PRKAR2A: variants seen among roughly 807,000 people sequenced by gnomAD.
PRKAR2A encodes cAMP-dependent protein kinase type II-alpha regulatory subunit.
A neutral mutation model predicts 51.9 loss-of-function variants in PRKAR2A; 29 were observed. The ratio of observed to expected loss-of-function variants is 0.56; its 90% CI spans 0.42 to 0.76. The LOEUF (loss-of-function observed/expected upper bound fraction) is 0.76. PRKAR2A is among the 30% of genes least tolerant of loss of function. The pLI is 0.00. For synonymous variants in PRKAR2A, 178 were observed against 186.2 expected (o/e 0.96, Z 0.36); for missense variants, 445 against 512.1 (o/e 0.87, Z 1.26).
chr3:48,752,208 G>C lies in PRKAR2A; in HGVS notation c.1049C>G (p.Ser350Ter), dbSNP rs1355333721. ...TTTGACATCTCCAACTGCATAAGCT[G>C]AGGCAGCTCTGGGTTTGTTGGTGAC... Reference protein sequence around the residue: ...ALVTNKPRAASAYAVGDVKCL... With the variant: ...ALVTNKPRAA Residue 350 changes from serine (S) to a stop codon, truncating the protein, a stop_gained, in exon 10 of 11, where the codon TCA becomes TGA. Transcript: ENST00000265563. LOFTEE classifies it high-confidence loss of function. The C allele has an allele frequency of 1.4e-5, 23 of 1,614,058 alleles. No homozygotes were observed. The highest frequency in any genetic ancestry group is 1.9e-5 in the Non-Finnish European group (22 of 1,180,028).
At chr3:48,833,358 A>G (rs1010007486) in intron 1 of PRKAR2A, among the ~76,000 whole-genome samples, 1 of 152,146 alleles carries the variant, frequency 6.6e-6, no homozygotes, top group Non-Finnish European at 1.5e-5. Flanking sequence ...TAAAATAATC[A>G]TATTTCCTTA....
chr3:48,846,059 A>C (rs2083456454), intron 1 of PRKAR2A, among the ~76,000 whole-genome samples: 1 of 151,880 alleles, frequency 6.6e-6, no homozygotes, highest in Non-Finnish European at 1.5e-5. Context: ...TTTATTGCAA[A>C]CTCTTGGAGA....
chr3:48,771,848 T>G (rs2082033904), intron 6 of PRKAR2A, among the ~76,000 whole-genome samples: 1 of 152,230 alleles, frequency 6.6e-6, no homozygotes, highest in Non-Finnish European at 1.5e-5. Flanking sequence ...TCTATAAATT[T>G]CAGATAGCTT....
chr3:48,761,567 A>G (rs2081863489), intron 8 of PRKAR2A, among the ~76,000 whole-genome samples: 1 of 152,242 alleles, frequency 6.6e-6, no homozygotes, highest in African/African-American at 2.4e-5. Context: ...TAAATGAAAT[A>G]TATTAAAATT....
Position 48,748,175 on chromosome 3 carries a change from T to C in PRKAR2A, c.*3410A>G, listed in dbSNP as rs1219149306. The C allele has an allele frequency of 6.6e-6, 1 of 151,408 alleles. No individual in the cohort carries two copies. Among genetic ancestry groups the C allele is most frequent in the Admixed American group, 6.6e-5 (1 of 15,156 alleles). 9.4% of individuals were successfully genotyped at this position (151,408 alleles called of 1,614,324 possible). A position where few individuals can be genotyped will look rare whatever the true frequency, so the allele number is the denominator to read the frequency against. On this transcript the variant is annotated 3_prime_UTR_variant, in exon 11 of 11. Coordinates refer to ENST00000265563, the MANE Select transcript of PRKAR2A (RefSeq NM_004157.4). Reference sequence around the variant, plus strand: ...TAGGGTCCCACTTTGTCCCCCAGACTGGAGTGCAGTGGCACGATCATGGCT... The same window carrying C: ...TAGGGTCCCACTTTGTCCCCCAGACCGGAGTGCAGTGGCACGATCATGGCT...
intron 1 of PRKAR2A, among the ~76,000 whole-genome samples, chr3:48,825,398 A>T (rs1335826948): frequency 6.6e-6 from 1 of 152,226 alleles, no homozygotes; most frequent in Non-Finnish European, 1.5e-5. Flanking sequence ...TGTCTACTGC[A>T]TCACACTAAG....
intron 4 of PRKAR2A, among the ~76,000 whole-genome samples, chr3:48,786,260 G>GA (rs950156269): frequency 6.6e-6 from 1 of 150,602 alleles, no homozygotes; most frequent in Non-Finnish European, 1.5e-5. Flanking sequence ...GAGTAGCTGA[G>GA]ATTACAGGTG....
intron 1 of PRKAR2A, among the ~76,000 whole-genome samples, chr3:48,818,262 G>A (rs759411954): frequency 2.0e-5 from 3 of 152,138 alleles, no homozygotes; most frequent in East Asian, 1.9e-4. Context: ...ACCAAAAGCC[G>A]AAGAGCTGCC....
chr3:48,840,567 C>CTTTTTTT (rs760883553), intron 1 of PRKAR2A, among the ~76,000 whole-genome samples: 1 of 69,470 alleles, frequency 1.4e-5, no homozygotes, highest in Admixed American at 2.3e-4. Flanking sequence ...TTGTTTTCAC[C>CTTTTTTT]TTTTTTTTTT....
intron 3 of PRKAR2A, among the ~76,000 whole-genome samples, chr3:48,791,903 C>CAAAAAAAAA (rs1177374619): frequency 2.4e-5 from 1 of 41,880 alleles, no homozygotes; most frequent in Non-Finnish European, 3.8e-5. Flanking sequence ...AACTCTGTCT[C>CAAAAAAAAA]AAAAAAAAAA....
intron 5 of PRKAR2A, among the ~76,000 whole-genome samples, chr3:48,780,436 T>C (rs2082175050): frequency 6.6e-6 from 1 of 151,492 alleles, no homozygotes; most frequent in African/African-American, 2.4e-5. Flanking sequence ...ACTCCATCTC[T>C]ACTAAAAATA....
chr3:48,788,166 G>C (rs1297455410), intron 4 of PRKAR2A, among the ~76,000 whole-genome samples: 1 of 152,102 alleles, frequency 6.6e-6, no homozygotes, highest in Non-Finnish European at 1.5e-5. Context: ...GAGTAGCTGA[G>C]ACTACAGGTG....
intron 1 of PRKAR2A, among the ~76,000 whole-genome samples, chr3:48,829,579 TATGTGTGTATATATACACACACATAA>T (rs1448670668): frequency 3.8e-5 from 2 of 53,148 alleles, no homozygotes; most frequent in African/African-American, 7.6e-5. Flanking sequence ...CATAAATATA[TATGTGTGTATATATACACACACATAA>T]ATGTGTGTGT....
intron 4 of PRKAR2A, 43 bp from the exon 5 acceptor site, chr3:48,783,135 G>A: frequency 7.6e-7 from 1 of 1,316,342 alleles, no homozygotes; most frequent in Non-Finnish European, 1.1e-6. Context: ...CTTTACATAT[G>A]CTGAAAAAAA....
chr3:48,757,652 G>A (rs2081793265), intron 8 of PRKAR2A, among the ~76,000 whole-genome samples: 1 of 152,220 alleles, frequency 6.6e-6, no homozygotes, highest in Non-Finnish European at 1.5e-5. Context: ...GCCAGGCACG[G>A]TGGCTCACAC....
At chr3:48,765,444 T>A in intron 6 of PRKAR2A, 95 bp from the exon 7 acceptor site, 2 of 802,112 alleles carry the variant, frequency 2.5e-6, no homozygotes, top group Non-Finnish European at 3.9e-6. Context: ...GAGGAATATG[T>A]AAGTTACTGT....
At chr3:48,809,948 C>T (rs1026825204) in intron 1 of PRKAR2A, among the ~76,000 whole-genome samples, 8 of 152,118 alleles carry the variant, frequency 5.3e-5, no homozygotes, top group Admixed American at 3.9e-4. Context: ...TGTTCTCCCT[C>T]CCACTTCATC....
At chr3:48,754,823 C>T (rs554896344) in intron 9 of PRKAR2A, among the ~76,000 whole-genome samples, 16 of 150,352 alleles carry the variant, frequency 1.1e-4, no homozygotes, top group African/African-American at 3.4e-4. Context: ...GGGTGAGGCA[C>T]GAGAATCGAT....
Position 48,814,378 on chromosome 3 carries a change from A to G in PRKAR2A, c.263-6694T>C, listed in dbSNP as rs373839426. Among the ~76,000 whole-genome samples, 450 of 152,282 alleles carry G rather than the reference A, an allele frequency of 3.0e-3. 4 individuals carry two copies. The highest frequency in any genetic ancestry group is 9.9e-3 in the African/African-American group (410 of 41,546). On this transcript the variant is annotated intron_variant, in intron 1 of 10. Coordinates refer to ENST00000265563, the MANE Select transcript of PRKAR2A (RefSeq NM_004157.4). ...GGTTTCAGTGAGCCAAGATTTTGCC[A>G]CTGCACTCCAGCCTGGGCAACAAGA...
Sources: gnomAD v4.1 joint callset for allele counts (sites outside exome capture counted in the v4.1 genomes callset) on GRCh38, gnomAD v4.1.1 for gene constraint, MANE v1.5 for transcripts, NCBI Gene and HGNC (gene_info 2026-07-23, HGNC 2026-07-21) for gene names.